Variants in EVA1C observed in about 807,000 individuals in gnomAD.
EVA1C encodes eva-1 homolog C.
Under a neutral mutation model 45.4 loss-of-function variants are expected in EVA1C, and 25 were observed. That is an observed-to-expected ratio of 0.55 (90% CI 0.40 to 0.77). The LOEUF is 0.77. Among genes scored for constraint, EVA1C ranks in the 30% least tolerant of loss-of-function variants. The pLI is 0.00. For missense variants in EVA1C, 479 were observed against 554.8 expected (o/e 0.86, Z 1.37); for synonymous variants, 190 against 221.2 (o/e 0.86, Z 1.25).
At chr21:32,455,809 T>C (rs1322013140) in intron 2 of EVA1C, among the ~76,000 whole-genome samples, 1 of 152,142 alleles carries the variant, frequency 6.6e-6, no homozygotes, top group Non-Finnish European at 1.5e-5. Context: ...AGTTCTGACG[T>C]TGTTGGGAGG....
chr21:32,422,883 C>G (rs1435681397), intron 1 of EVA1C, among the ~76,000 whole-genome samples: 1 of 6,340 alleles, frequency 1.6e-4, no homozygotes, highest in Non-Finnish European at 2.8e-4. Context: ...CCAGCCTGGC[C>G]AACTTGGTGA....
chr21:32,498,193 T>C (rs1319201398), intron 5 of EVA1C, among the ~76,000 whole-genome samples: 1 of 152,182 alleles, frequency 6.6e-6, no homozygotes, highest in African/African-American at 2.4e-5. Flanking sequence ...ACGCCTGTAA[T>C]CCCAGCACTT....
chr21:32,459,667 C>T (rs557304051), intron 3 of EVA1C, among the ~76,000 whole-genome samples: 12 of 151,894 alleles, frequency 7.9e-5, no homozygotes, highest in African/African-American at 2.9e-4. Flanking sequence ...CATGGAGAAA[C>T]CCCGTCTCTA....
intron 1 of EVA1C, among the ~76,000 whole-genome samples, chr21:32,438,519 C>A (rs1471829110): frequency 6.7e-6 from 1 of 149,640 alleles, no homozygotes; most frequent in Admixed American, 6.7e-5. Flanking sequence ...CCAAAACGAC[C>A]AAGAAAAGGG....
intron 1 of EVA1C, among the ~76,000 whole-genome samples, chr21:32,450,519 A>T (rs571378923): frequency 6.6e-6 from 1 of 151,986 alleles, no homozygotes; most frequent in East Asian, 1.9e-4. Flanking sequence ...CAGTCCGGGA[A>T]TGCTGGGGTG....
intron 5 of EVA1C, among the ~76,000 whole-genome samples, chr21:32,497,607 A>G (rs1193688235): frequency 1.3e-5 from 2 of 152,192 alleles, no homozygotes; most frequent in Non-Finnish European, 2.9e-5. Flanking sequence ...GCTTTCAAGG[A>G]TGAGGCAAGA....
chr21:32,424,809 A>T (rs991035208), intron 1 of EVA1C, among the ~76,000 whole-genome samples: 14 of 151,994 alleles, frequency 9.2e-5, no homozygotes, highest in African/African-American at 3.4e-4. Context: ...TATTTTTTTT[A>T]TTTTAAGTTA....
At chr21:32,451,084 G>A (rs2035562492) in intron 1 of EVA1C, among the ~76,000 whole-genome samples, 1 of 152,202 alleles carries the variant, frequency 6.6e-6, no homozygotes, top group African/African-American at 2.4e-5. Flanking sequence ...GGACCCCAGG[G>A]CAGGCTGGCT....
chr21:32,501,246 C>G (rs936456550), intron 5 of EVA1C, among the ~76,000 whole-genome samples, 169 bp from the exon 6 acceptor site: 16 of 312 alleles, frequency 0.051, no homozygotes, highest in Non-Finnish European at 0.095. Context: ...CACATGGATA[C>G]CATGGGTTTG....
intron 3 of EVA1C, among the ~76,000 whole-genome samples, chr21:32,466,173 C>A (rs1251136490): frequency 3.3e-5 from 5 of 152,178 alleles, no homozygotes; most frequent in Non-Finnish European, 7.3e-5. Context: ...GTAATCCCAG[C>A]ACTTTGGGAG....
chr21:32,425,815 C>T (rs1316370040), intron 1 of EVA1C, among the ~76,000 whole-genome samples: 2 of 152,096 alleles, frequency 1.3e-5, no homozygotes, highest in Non-Finnish European at 2.9e-5. Context: ...CCAGGGACAC[C>T]GCTAAACATC....
chr21:32,504,349 G>A (rs7278523), intron 7 of EVA1C, among the ~76,000 whole-genome samples: 36,169 of 152,176 alleles, frequency 0.24, 5,207 homozygotes, highest in African/African-American at 0.4. Context: ...TTGAATTCCA[G>A]CCCTGACTGG....
rs150298002 is a variant in EVA1C, at chr21:32,498,883, C to T, written c.779-2532C>T. ...GACGGTGATCAATCACACCCCAGTC[C>T]CCGACCTCATTCGGAACTAGTTTGA... is the stretch of plus-strand genomic sequence containing the variant. On this transcript the variant is annotated intron_variant, in intron 5 of 7. Coordinates refer to ENST00000300255, the MANE Select transcript of EVA1C (RefSeq NM_058187.5). Among the ~76,000 whole-genome samples, 490 of 152,234 alleles carry T rather than the reference C, an allele frequency of 3.2e-3. 3 individuals carry two copies. Among genetic ancestry groups the T allele is most frequent in the African/African-American group, 0.011 (463 of 41,540 alleles).
intron 1 of EVA1C, among the ~76,000 whole-genome samples, chr21:32,445,468 A>G (rs2035330868): frequency 6.6e-6 from 1 of 152,144 alleles, no homozygotes; most frequent in South Asian, 2.1e-4. Context: ...TAGCCGTCTT[A>G]GTTAGGAACC....
At chr21:32,502,433 G>A (rs1270198795) in intron 6 of EVA1C, among the ~76,000 whole-genome samples, 2 of 152,016 alleles carry the variant, frequency 1.3e-5, no homozygotes, top group African/African-American at 2.4e-5. Context: ...TGTAAATGGG[G>A]TGGAGGGGTA....
intron 4 of EVA1C, among the ~76,000 whole-genome samples, chr21:32,478,435 G>A (rs1427859117): frequency 1.3e-5 from 2 of 152,062 alleles, no homozygotes; most frequent in Non-Finnish European, 2.9e-5. Flanking sequence ...TGGTCAGGCT[G>A]GTCTCGAACT....
At chr21:32,464,218 G>A (rs117997076) in intron 3 of EVA1C, among the ~76,000 whole-genome samples, 1 of 152,210 alleles carries the variant, frequency 6.6e-6, no homozygotes, top group East Asian at 1.9e-4. Context: ...AGTGGGTAAA[G>A]GGCCTTCGAG....
At chr21:32,489,141 G>A (rs766569049) in intron 4 of EVA1C, among the ~76,000 whole-genome samples, 1 of 152,124 alleles carries the variant, frequency 6.6e-6, no homozygotes, top group Non-Finnish European at 1.5e-5. Flanking sequence ...TTTGCATTTG[G>A]TGTCCTAGCT....
In EVA1C at chr21:32,478,510, C is replaced by T. The variant is rs183574159; in HGVS notation, c.634+10662C>T. Among the ~76,000 whole-genome samples, 4 of 152,344 alleles carry T rather than the reference C, an allele frequency of 2.6e-5. No individual in the cohort carries two copies. In the East Asian group the frequency reaches 5.8e-4, roughly 22 times the overall value. The stretch of plus-strand genomic sequence containing the variant: ...TGCTGGGATTTCAGGCATGAGCCAC[C>T]GTGCCCAGCCTGATGTCTAATCTTG... On this transcript the variant is annotated intron_variant, in intron 4 of 7. Transcript: ENST00000300255.
Sources: allele counts gnomAD v4.1 joint callset (sites outside exome capture counted in the v4.1 genomes callset), GRCh38; gene constraint gnomAD v4.1.1; transcripts MANE v1.5; gene names NCBI Gene and HGNC (gene_info 2026-07-23, HGNC 2026-07-21).